Variants in PHTF2 observed in about 807,000 individuals in gnomAD.
The protein encoded by PHTF2 is putative homeodomain transcription factor 2.
PHTF2 carries 60 observed loss-of-function variants against 101.2 expected under a neutral mutation model. The ratio of observed to expected loss-of-function variants is 0.59; its 90% confidence interval spans 0.48 to 0.73. PHTF2 has a LOEUF of 0.73. Among genes scored for constraint, PHTF2 ranks in the 30% least tolerant of loss-of-function variants. PHTF2 has a pLI of 0.00. For synonymous variants in PHTF2, 311 were observed against 307.3 expected (o/e 1.01, Z -0.13); for missense variants, 747 against 908.7 (o/e 0.82, Z 2.29).
rs34239792 is a variant in PHTF2 at position 77,803,688 on chromosome 7, C to CGTGTGT, written c.-36+4750_-36+4755dup. Among the ~76,000 whole-genome samples the CGTGTGT allele has an allele frequency of 8.6e-3, 1,209 of 140,940 alleles. 5 individuals are homozygous for CGTGTGT. Among genetic ancestry groups the CGTGTGT allele is most frequent in the African/African-American group, 0.013 (508 of 39,060 alleles). The allele number at this position is 140,940 out of a possible 152,430, so 92.5% of individuals were successfully genotyped here. A position where few individuals can be genotyped will look rare whatever the true frequency, so the allele number is the denominator to read the frequency against. On this transcript the variant is annotated intron_variant, in intron 1 of 19. Coordinates refer to ENST00000416283, the Ensembl canonical transcript of PHTF2. ...CAGTTATTTGACTGAGTTGAACAGGCGTGTGTGTGTGTGTGTGTGTGTGTG... is the reference window on the plus strand; with the variant it reads ...CAGTTATTTGACTGAGTTGAACAGGCGTGTGTGTGTGTGTGTGTGTGTGTGTGTGTG...
At chr7:77,909,074 A>G in intron 8 of PHTF2, 116 bp downstream of exon 7, 1 of 570,472 alleles carries the variant, frequency 1.8e-6, no homozygotes, top group Non-Finnish European at 2.9e-6. Flanking sequence ...TTGCTGTTTC[A>G]AAAAAACACT....
intron 12 of PHTF2, among the ~76,000 whole-genome samples, chr7:77,934,397 G>T (rs1401844500): frequency 2.6e-5 from 4 of 152,140 alleles, no homozygotes; most frequent in Non-Finnish European, 5.9e-5. Flanking sequence ...TCAGTTTTTA[G>T]TAAGTGTAAA....
At chr7:77,891,984 A>G (rs183536381) in intron 3 of PHTF2, among the ~76,000 whole-genome samples, 387 of 152,370 alleles carry the variant, frequency 2.5e-3, no homozygotes, top group Admixed American at 4.1e-3. Flanking sequence ...AAGATAACGT[A>G]TAAGAGAGAA....
intron 12 of PHTF2, 76 bp from the exon 12 acceptor site, chr7:77,937,634 A>G: frequency 2.1e-6 from 1 of 483,878 alleles, no homozygotes. Context: ...ATAGAGATAT[A>G]TATACAACTT....
chr7:77,901,609 T>G (rs569617330), intron 6 of PHTF2, among the ~76,000 whole-genome samples, 153 bp from the exon 6 acceptor site: 1 of 152,340 alleles, frequency 6.6e-6, no homozygotes, highest in Non-Finnish European at 1.5e-5. Flanking sequence ...TTCAAAATAT[T>G]TAAAGTATCT....
chr7:77,880,326 C>G (rs1166342427), intron 3 of PHTF2, among the ~76,000 whole-genome samples: 1 of 152,162 alleles, frequency 6.6e-6, no homozygotes, highest in Non-Finnish European at 1.5e-5. Flanking sequence ...CTCAGTAACT[C>G]AGTAAATAGG....
At chr7:77,842,555 CA>C (rs149448445) in intron 2 of PHTF2, among the ~76,000 whole-genome samples, 3 of 149,830 alleles carry the variant, frequency 2.0e-5, no homozygotes, top group Admixed American at 6.7e-5. Flanking sequence ...AGGATTATTG[CA>C]AAAAAAAAGC....
At chr7:77,937,766 A>G in exon 13 of PHTF2, 5 of 1,519,678 alleles carry the variant, frequency 3.3e-6, no homozygotes, top group Non-Finnish European at 4.5e-6. Context: ...TAAGTGCTAT[A>G]GTATGGGAAG....
chr7:77,910,604 T>C (rs991072161), intron 9 of PHTF2, among the ~76,000 whole-genome samples, 195 bp downstream of exon 8: 4 of 152,190 alleles, frequency 2.6e-5, no homozygotes, highest in Admixed American at 6.5e-5. Flanking sequence ...TGTACATACA[T>C]CTATACGAGA....
At position 77,823,930 on chromosome 7, in the gene PHTF2, A is replaced by G. The variant is rs6978376; in HGVS notation, c.-35-16291A>G. 7.0e-3 allele frequency among the ~76,000 whole-genome samples: 1,064 copies of G among 152,302 alleles called. 5 individuals are homozygous for G. Among genetic ancestry groups the G allele is most frequent in the African/African-American group, 0.024 (993 of 41,554 alleles). ...GGAGACTAGAGATTTTTAAGTGATG[A>G]GGTCAGTATTTTAAAAAGATAAGTA... On this transcript the variant is annotated intron_variant, in intron 1 of 19. Transcript: ENST00000416283.
At chr7:77,892,277 G>A (rs546405032) in intron 3 of PHTF2, among the ~76,000 whole-genome samples, 2 of 152,208 alleles carry the variant, frequency 1.3e-5, no homozygotes, top group East Asian at 1.9e-4. Context: ...GCAACAGAGC[G>A]AGACTCTATC....
chr7:77,951,608 T>C lies in PHTF2; in HGVS notation c.2116-9T>C. The C allele has an allele frequency of 8.6e-7, 1 of 1,157,100 alleles. No homozygotes were observed. Among genetic ancestry groups the C allele is most frequent in the Non-Finnish European group, 1.2e-6 (1 of 813,700 alleles). 71.7% of individuals were successfully genotyped at this position (1,157,100 alleles called of 1,614,324 possible). A position where few individuals can be genotyped will look rare whatever the true frequency, so the allele number is the denominator to read the frequency against. ...ATAATTTGAAGCATTTCTATTCTTT[T>C]TATAAAAGATAAACCTCTACTTGAA... On this transcript the variant is annotated splice_polypyrimidine_tract_variant and intron_variant, in intron 17 of 19. Coordinates refer to ENST00000416283, the Ensembl canonical transcript of PHTF2.
At chr7:77,932,365 C>G (rs1362238261) in intron 12 of PHTF2, among the ~76,000 whole-genome samples, 2 of 152,060 alleles carry the variant, frequency 1.3e-5, no homozygotes, top group African/African-American at 2.4e-5. Flanking sequence ...AAAACATCCT[C>G]TGCTGAGATA....
At chr7:77,830,671 C>T (rs920446764) in intron 1 of PHTF2, among the ~76,000 whole-genome samples, 6 of 152,162 alleles carry the variant, frequency 3.9e-5, no homozygotes, top group South Asian at 2.1e-4. Context: ...TACAGATTAA[C>T]GTTAGCAGAG....
At chr7:77,910,515 CATT>C (rs1358830737) in intron 9 of PHTF2, 106 bp downstream of exon 8, 6 of 750,204 alleles carry the variant, frequency 8.0e-6, no homozygotes, top group African/African-American at 7.1e-5. Flanking sequence ...GTGACAGCCT[CATT>C]ATGGATTTTG....
At chr7:77,908,879 C>A in exon 8 of PHTF2, 1 of 1,612,792 alleles carries the variant, frequency 6.2e-7, no homozygotes. Context: ...GCTGATGCTG[C>A]TCCTGGGAAC....
chr7:77,947,592 T>C (rs1806165584), intron 16 of PHTF2, among the ~76,000 whole-genome samples: 1 of 151,940 alleles, frequency 6.6e-6, no homozygotes, highest in Non-Finnish European at 1.5e-5. Context: ...AGGTATACAA[T>C]GTTAGTCACA....
intron 19 of PHTF2, among the ~76,000 whole-genome samples, chr7:77,954,610 G>GTATATA (rs1295236333): frequency 0.013 from 1,104 of 82,174 alleles, 6 homozygotes; most frequent in South Asian, 0.017. Context: ...AACAAGTACT[G>GTATATA]TGTATATATA....
At chr7:77,839,976 A>G (rs545456027) in intron 1 of PHTF2, among the ~76,000 whole-genome samples, 75 of 152,362 alleles carry the variant, frequency 4.9e-4, no homozygotes, top group Middle Eastern at 3.4e-3. Context: ...AAAAAATTCA[A>G]TCTATTTTGT....
Sources: gnomAD v4.1 joint callset for allele counts (sites outside exome capture counted in the v4.1 genomes callset) on GRCh38, gnomAD v4.1.1 for gene constraint, MANE v1.5 for transcripts, NCBI Gene and HGNC (gene_info 2026-07-23, HGNC 2026-07-21) for gene names.